SND1: variants seen among roughly 807,000 people sequenced by gnomAD.
The protein encoded by SND1 is staphylococcal nuclease domain-containing protein 1.
SND1 carries 38 observed loss-of-function variants against 121.7 expected under a neutral mutation model. The ratio of observed to expected loss-of-function variants is 0.31; its 90% CI spans 0.24 to 0.41. The LOEUF (loss-of-function observed/expected upper bound fraction) is 0.41, where lower values mean the gene tolerates loss of function less well. Among genes scored for constraint, SND1 ranks in the 10% least tolerant of loss-of-function variants. The pLI, the probability that SND1 is intolerant of heterozygous loss-of-function variation, is 1.00. For missense variants in SND1, 868 were observed against 1,184.6 expected (o/e 0.73, Z 3.92); for synonymous variants, 401 against 447.4 (o/e 0.90, Z 1.31).
chr7:127,921,389 C>T (rs1040388713), intron 14 of SND1, among the ~76,000 whole-genome samples: 1 of 152,048 alleles, frequency 6.6e-6, no homozygotes, highest in Non-Finnish European at 1.5e-5. Flanking sequence ...TTTTAATACA[C>T]TAGTATTCAA....
intron 10 of SND1, among the ~76,000 whole-genome samples, chr7:127,772,394 C>G (rs975735795): frequency 2.6e-5 from 4 of 152,154 alleles, no homozygotes; most frequent in African/African-American, 9.7e-5. Flanking sequence ...CCCTTCAGTC[C>G]TAGAGAGATG....
chr7:127,708,820 T>A (rs1043994007), intron 9 of SND1, among the ~76,000 whole-genome samples: 3 of 152,228 alleles, frequency 2.0e-5, no homozygotes, highest in Non-Finnish European at 4.4e-5. Flanking sequence ...GAAGTTTTGT[T>A]TTTATGGGCT....
chr7:127,951,321 G>T (rs1362736682), intron 15 of SND1, among the ~76,000 whole-genome samples: 2 of 152,162 alleles, frequency 1.3e-5, no homozygotes, highest in Non-Finnish European at 2.9e-5. Context: ...CAAGCCAGTC[G>T]CAGGACAAAT....
At chr7:127,735,072 C>T (rs1460161092) in intron 10 of SND1, among the ~76,000 whole-genome samples, 4 of 152,080 alleles carry the variant, frequency 2.6e-5, no homozygotes, top group African/African-American at 4.8e-5. Context: ...CCAGGTAGAG[C>T]GTGAGGTGCT....
At chr7:128,000,368 C>CTTTTTTTT (rs34812649) in intron 16 of SND1, among the ~76,000 whole-genome samples, 1 of 135,198 alleles carries the variant, frequency 7.4e-6, no homozygotes, top group African/African-American at 2.8e-5. Context: ...GCTTTTGCTT[C>CTTTTTTTT]TTTTTTTTTT....
At chr7:128,060,438 T>C (rs2117033303) in intron 16 of SND1, among the ~76,000 whole-genome samples, 1 of 152,344 alleles carries the variant, frequency 6.6e-6, no homozygotes, top group South Asian at 2.1e-4. Flanking sequence ...AGATACAAGA[T>C]GCTGAGAATC....
chr7:127,741,464 C>G (rs1269123587), intron 10 of SND1, among the ~76,000 whole-genome samples: 1 of 152,146 alleles, frequency 6.6e-6, no homozygotes, highest in East Asian at 1.9e-4. Context: ...AAAACAACCA[C>G]TGCCCAGGCC....
intron 15 of SND1, among the ~76,000 whole-genome samples, chr7:127,963,366 C>T (rs1275885865): frequency 6.9e-6 from 1 of 145,172 alleles, no homozygotes; most frequent in East Asian, 2.1e-4. Context: ...AACTCGTCAT[C>T]TAGCATTAGG....
chr7:127,913,439 G>A (rs1800502522), intron 14 of SND1, among the ~76,000 whole-genome samples: 1 of 152,214 alleles, frequency 6.6e-6, no homozygotes, highest in Non-Finnish European at 1.5e-5. Context: ...AAAGGAAATT[G>A]AGGGAGTTAG....
At chr7:127,911,295 CGTAA>C (rs1290663100) in intron 14 of SND1, among the ~76,000 whole-genome samples, 3 of 152,172 alleles carry the variant, frequency 2.0e-5, no homozygotes, top group Non-Finnish European at 4.4e-5. Flanking sequence ...GCAGCCACCT[CGTAA>C]GTTTCTCCCA....
intron 15 of SND1, among the ~76,000 whole-genome samples, chr7:127,963,199 T>C (rs1187035097): frequency 6.6e-6 from 1 of 151,784 alleles, no homozygotes. Flanking sequence ...TTGGATGGAA[T>C]GTGGATGGTG....
intron 15 of SND1, among the ~76,000 whole-genome samples, chr7:127,946,682 C>A (rs1038189234): frequency 6.6e-6 from 1 of 152,190 alleles, no homozygotes; most frequent in African/African-American, 2.4e-5. Flanking sequence ...TGGACTGTTG[C>A]ATCTGATGCA....
At chr7:128,008,184 G>A (rs1803029538) in intron 16 of SND1, 1 of 152,224 alleles carries the variant, frequency 6.6e-6, no homozygotes, top group Non-Finnish European at 1.5e-5. Flanking sequence ...TTATTTTAGT[G>A]AGAAAAGGAT....
At chr7:128,002,858 T>C (rs907459361) in intron 16 of SND1, among the ~76,000 whole-genome samples, 1 of 152,230 alleles carries the variant, frequency 6.6e-6, no homozygotes, top group Non-Finnish European at 1.5e-5. Context: ...GATTTGTCCT[T>C]GACCTGCATT....
At chr7:128,080,201 T>G (rs1399529125) in intron 17 of SND1, among the ~76,000 whole-genome samples, 7 of 152,320 alleles carry the variant, frequency 4.6e-5, no homozygotes, top group Admixed American at 2.6e-4. Flanking sequence ...GCGTGATCCA[T>G]TCTCTGCACT....
intron 17 of SND1, 43 bp downstream of exon 17, chr7:128,074,733 C>T (rs1793477929): frequency 6.5e-7 from 1 of 1,537,142 alleles, no homozygotes; most frequent in Non-Finnish European, 8.8e-7. Flanking sequence ...CCCTCCCGTC[C>T]TCCTCACACA....
At chr7:127,698,782 AG>A (rs1208978589) in intron 3 of SND1, 92 bp from the exon 4 acceptor site, 2 of 921,972 alleles carry the variant, frequency 2.2e-6, no homozygotes, top group Non-Finnish European at 3.6e-6. Context: ...ATTCTCCTTG[AG>A]GAGCTAAGTG....
At chr7:127,692,849 AGGT>A (rs1445332048) in intron 2 of SND1, among the ~76,000 whole-genome samples, 1 of 152,218 alleles carries the variant, frequency 6.6e-6, no homozygotes, top group Non-Finnish European at 1.5e-5. Context: ...GGAAAACATG[AGGT>A]CCTAAGGGGA....
At chr7:127,653,732 C>T (rs1404512987) in intron 1 of SND1, among the ~76,000 whole-genome samples, 1 of 152,176 alleles carries the variant, frequency 6.6e-6, no homozygotes, top group East Asian at 1.9e-4. Context: ...TTAAGATCCC[C>T]TCGCCCAATT....
Sources: gnomAD v4.1 joint callset for allele counts (sites outside exome capture counted in the v4.1 genomes callset) on GRCh38, gnomAD v4.1.1 for gene constraint, MANE v1.5 for transcripts, NCBI Gene and HGNC (gene_info 2026-07-23, HGNC 2026-07-21) for gene names.